The following PLD5 variants were observed in gnomAD, a reference collection of about 807,000 sequenced individuals.
PLD5 encodes the protein inactive phospholipase D5.
PLD5 carries 36 observed loss-of-function variants against 61.1 expected under a neutral mutation model. The ratio of observed to expected loss-of-function variants is 0.59; its 90% CI spans 0.45 to 0.78. The LOEUF is 0.78. PLD5 is among the 30% of genes least tolerant of loss of function. The pLI is 0.00. For missense variants in PLD5, 515 were observed against 644.4 expected (o/e 0.80, Z 2.17); for synonymous variants, 243 against 242.8 (o/e 1.00, Z -0.01).
At chr1:242,455,914 C>T (rs752055729) in intron 1 of PLD5, among the ~76,000 whole-genome samples, 5 of 152,150 alleles carry the variant, frequency 3.3e-5, no homozygotes, top group African/African-American at 7.2e-5. Context: ...GGGATAGAGC[C>T]GGGGTGGGGA....
At chr1:242,354,829 C>T (rs1571960918) in intron 1 of PLD5, among the ~76,000 whole-genome samples, 1 of 149,588 alleles carries the variant, frequency 6.7e-6, no homozygotes, top group African/African-American at 2.5e-5. Flanking sequence ...TTTTTTTTTA[C>T]CATGAAAGGA....
rs752944359 is a variant in PLD5, at chr1:242,220,129, G to A, written c.608-14C>T. ...TCACCTCGGCTCCTAGGAGTTCAAGGACAGTCTGGTCAGCCTCTGCGTCAA... is the reference window on the plus strand; with the variant it reads ...TCACCTCGGCTCCTAGGAGTTCAAGAACAGTCTGGTCAGCCTCTGCGTCAA... On this transcript the variant is annotated splice_polypyrimidine_tract_variant and intron_variant, in intron 4 of 9. Transcript: ENST00000536534. 2 of 1,613,770 alleles carry A rather than the reference G, an allele frequency of 1.2e-6. No individual in the cohort carries two copies. Among genetic ancestry groups the A allele is most frequent in the South Asian group, 1.1e-5 (1 of 91,036 alleles).
intron 4 of PLD5, among the ~76,000 whole-genome samples, chr1:242,233,270 C>T (rs187538991): frequency 1.3e-5 from 2 of 152,296 alleles, no homozygotes; most frequent in Admixed American, 6.5e-5. Context: ...GTATCTGTGA[C>T]AGGTATAAGG....
chr1:242,369,171 T>C (rs1661497921), intron 1 of PLD5, among the ~76,000 whole-genome samples: 1 of 152,164 alleles, frequency 6.6e-6, no homozygotes, highest in Non-Finnish European at 1.5e-5. Context: ...AAAACTTTAA[T>C]AGTGAAAAAT....
At chr1:242,202,060 C>T (rs1360800236) in intron 5 of PLD5, among the ~76,000 whole-genome samples, 2 of 152,028 alleles carry the variant, frequency 1.3e-5, no homozygotes, top group African/African-American at 2.4e-5. Context: ...ACTAAAAATA[C>T]AAAAATTAGC....
At chr1:242,386,717 G>C (rs1218144435) in intron 1 of PLD5, among the ~76,000 whole-genome samples, 2 of 152,172 alleles carry the variant, frequency 1.3e-5, no homozygotes, top group Admixed American at 6.5e-5. Flanking sequence ...GCTCTTGACT[G>C]TACTCTGGTT....
chr1:242,401,745 A>T (rs544899321), intron 1 of PLD5, among the ~76,000 whole-genome samples: 1 of 152,226 alleles, frequency 6.6e-6, no homozygotes, highest in Admixed American at 6.5e-5. Context: ...TAAAATGAAG[A>T]TGTCCCTGCA....
chr1:242,471,905 A>G (rs1667458709), intron 1 of PLD5, among the ~76,000 whole-genome samples: 1 of 152,158 alleles, frequency 6.6e-6, no homozygotes, highest in Admixed American at 6.5e-5. Context: ...TTTGAAAGCA[A>G]TTTGCTTTAA....
intron 1 of PLD5, among the ~76,000 whole-genome samples, chr1:242,396,518 T>C (rs781736812): frequency 2.6e-5 from 4 of 152,048 alleles, no homozygotes; most frequent in Non-Finnish European, 5.9e-5. Flanking sequence ...GGAAGGAGTG[T>C]CAAGGGTGTC....
At chr1:242,221,943 T>C (rs747608995) in intron 4 of PLD5, among the ~76,000 whole-genome samples, 6 of 152,122 alleles carry the variant, frequency 3.9e-5, no homozygotes, top group Non-Finnish European at 8.8e-5. Context: ...CAGCAGAAAC[T>C]TATCCTCCGT....
intron 1 of PLD5, among the ~76,000 whole-genome samples, chr1:242,487,587 A>G (rs1336710794): frequency 1.3e-5 from 2 of 152,192 alleles, no homozygotes; most frequent in African/African-American, 4.8e-5. Context: ...TAAAGATACT[A>G]TCAAGAGAAT....
intron 2 of PLD5, among the ~76,000 whole-genome samples, chr1:242,338,265 C>G (rs770771875): frequency 3.3e-5 from 5 of 152,162 alleles, no homozygotes; most frequent in Non-Finnish European, 5.9e-5. Flanking sequence ...CCACTCCACT[C>G]CCTCCATCAA....
At chr1:242,162,246 T>G (rs1665899521) in intron 5 of PLD5, among the ~76,000 whole-genome samples, 1 of 152,194 alleles carries the variant, frequency 6.6e-6, no homozygotes, top group Non-Finnish European at 1.5e-5. Context: ...TTGTTGTTTT[T>G]ATTCAATAGG....
At chr1:242,410,077 T>C (rs1192320781) in intron 1 of PLD5, among the ~76,000 whole-genome samples, 1 of 152,122 alleles carries the variant, frequency 6.6e-6, no homozygotes, top group Non-Finnish European at 1.5e-5. Context: ...ATAATATTCC[T>C]CCCTGTGGAG....
At chr1:242,435,738 A>G (rs1375481920) in intron 1 of PLD5, among the ~76,000 whole-genome samples, 2 of 152,214 alleles carry the variant, frequency 1.3e-5, no homozygotes, top group East Asian at 3.9e-4. Context: ...CCACTAATTC[A>G]GTGATCATAG....
intron 1 of PLD5, among the ~76,000 whole-genome samples, chr1:242,368,172 G>T (rs981072277): frequency 6.6e-6 from 1 of 152,126 alleles, no homozygotes; most frequent in Non-Finnish European, 1.5e-5. Flanking sequence ...ACTTTTGCTG[G>T]AATGATTCAA....
At chr1:242,272,841 G>A (rs1401728052) in intron 3 of PLD5, among the ~76,000 whole-genome samples, 3 of 152,024 alleles carry the variant, frequency 2.0e-5, no homozygotes, top group Non-Finnish European at 4.4e-5. Context: ...AGAGGCATAA[G>A]AATGTATAAA....
chr1:242,528,993 A>G (rs1669499508), upstream of PLD5, among the ~76,000 whole-genome samples: 1 of 152,200 alleles, frequency 6.6e-6, no homozygotes, highest in South Asian at 2.1e-4. Context: ...AATTACCCTT[A>G]TACTATACAA....
chr1:242,396,668 C>CTT, intron 1 of PLD5, among the ~76,000 whole-genome samples: 1 of 125,150 alleles, frequency 8.0e-6, no homozygotes, highest in Non-Finnish European at 1.6e-5. Context: ...TCTTTCTTTT[C>CTT]TTTTCTTTTT....
Sources: allele counts gnomAD v4.1 joint callset (sites outside exome capture counted in the v4.1 genomes callset), GRCh38; gene constraint gnomAD v4.1.1; transcripts MANE v1.5; gene names NCBI Gene and HGNC (gene_info 2026-07-23, HGNC 2026-07-21).